CXCL13: variants seen among roughly 807,000 people sequenced by gnomAD.
CXCL13 encodes C-X-C motif chemokine 13.
CXCL13 carries 7 observed loss-of-function variants against 12.2 expected under a neutral mutation model. The observed-to-expected ratio is 0.57, with a 90% CI of 0.33 to 1.07. CXCL13 has a LOEUF of 1.07. Among genes scored for constraint, CXCL13 ranks in the 50% least tolerant of loss-of-function variants. The pLI is 0.04. For missense variants in CXCL13, 113 were observed against 127.4 expected (o/e 0.89, Z 0.55); for synonymous variants, 47 against 42.4 (o/e 1.11, Z -0.42).
chr4:77,593,931 T>G (rs980403315), intron 1 of CXCL13, among the ~76,000 whole-genome samples: 5 of 152,068 alleles, frequency 3.3e-5, no homozygotes, highest in African/African-American at 1.2e-4. Flanking sequence ...AACACAGAGA[T>G]TGGGCTGAGT....
At chr4:77,592,421 T>A (rs1726636560) in intron 1 of CXCL13, among the ~76,000 whole-genome samples, 1 of 151,748 alleles carries the variant, frequency 6.6e-6, no homozygotes, top group South Asian at 2.1e-4. Context: ...TTGTCAGGGG[T>A]TGGGGGAAGG....
At chr4:77,513,737 C>G (rs1005796952) in intron 1 of CXCL13, among the ~76,000 whole-genome samples, 2 of 152,128 alleles carry the variant, frequency 1.3e-5, no homozygotes, top group African/African-American at 4.8e-5. Flanking sequence ...CAGGCATGAG[C>G]CACCACACCT....
chr4:77,538,998 T>C (rs1313417986), intron 1 of CXCL13, among the ~76,000 whole-genome samples: 1 of 151,964 alleles, frequency 6.6e-6, no homozygotes, highest in Admixed American at 6.6e-5. Context: ...AATGAAAGTG[T>C]ACTTGGAAGA....
intron 1 of CXCL13, among the ~76,000 whole-genome samples, chr4:77,598,498 C>T (rs1051266053): frequency 6.6e-6 from 1 of 152,162 alleles, no homozygotes; most frequent in African/African-American, 2.4e-5. Flanking sequence ...AAGTTTTCAT[C>T]TATGTTAGCT....
At chr4:77,535,309 T>G (rs898351408) in intron 1 of CXCL13, among the ~76,000 whole-genome samples, 1 of 152,206 alleles carries the variant, frequency 6.6e-6, no homozygotes, top group African/African-American at 2.4e-5. Context: ...TTTCTTGACA[T>G]TTTTATAAAT....
chr4:77,516,889 A>G (rs1034471220), intron 1 of CXCL13, among the ~76,000 whole-genome samples: 13 of 151,706 alleles, frequency 8.6e-5, no homozygotes, highest in African/African-American at 3.2e-4. Flanking sequence ...ACTTCTTTTA[A>G]TTTGATGTTA....
intron 1 of CXCL13, among the ~76,000 whole-genome samples, chr4:77,552,821 G>T (rs1725566587): frequency 1.3e-5 from 2 of 152,206 alleles, no homozygotes; most frequent in Admixed American, 6.5e-5. Flanking sequence ...TCTGCCTGGG[G>T]GTAAAACAGA....
chr4:77,518,634 T>A (rs1428226996), intron 1 of CXCL13, among the ~76,000 whole-genome samples: 1 of 152,234 alleles, frequency 6.6e-6, no homozygotes, highest in Non-Finnish European at 1.5e-5. Context: ...GAGCCTTGGC[T>A]TTCAGCTTCA....
intron 1 of CXCL13, among the ~76,000 whole-genome samples, chr4:77,588,100 C>CTT (rs1470783432): frequency 6.8e-6 from 1 of 146,378 alleles, no homozygotes; most frequent in Non-Finnish European, 1.5e-5. Context: ...CTTTGCATAT[C>CTT]TTGAATTTTT....
At chr4:77,573,344 A>G (rs1031111807) in intron 1 of CXCL13, among the ~76,000 whole-genome samples, 1 of 150,826 alleles carries the variant, frequency 6.6e-6, no homozygotes, top group Non-Finnish European at 1.5e-5. Flanking sequence ...GTTCCAAGAA[A>G]AAAAGCTATT....
chr4:77,546,579 G>A (rs1042173930), intron 1 of CXCL13, among the ~76,000 whole-genome samples: 1 of 152,040 alleles, frequency 6.6e-6, no homozygotes, highest in Non-Finnish European at 1.5e-5. Context: ...TATTTCTGTG[G>A]GATCAGTGGT....
chr4:77,514,642 T>C (rs1400334558), intron 1 of CXCL13, among the ~76,000 whole-genome samples: 41 of 150,398 alleles, frequency 2.7e-4, no homozygotes, highest in African/African-American at 9.3e-4. Flanking sequence ...CGCCCACTTT[T>C]TGATGGGGTT....
upstream of CXCL13, among the ~76,000 whole-genome samples, chr4:77,605,364 T>C (rs1358999070): frequency 2.0e-5 from 3 of 152,198 alleles, no homozygotes; most frequent in African/African-American, 7.2e-5. Context: ...TCATTTGCTG[T>C]GCAAATATTT....
At chr4:77,570,654 G>A (rs1726049696) in intron 1 of CXCL13, among the ~76,000 whole-genome samples, 1 of 152,226 alleles carries the variant, frequency 6.6e-6, no homozygotes, top group African/African-American at 2.4e-5. Flanking sequence ...AGTTTGCAGG[G>A]AGGTGTGGAG....
At chr4:77,542,731 A>G (rs966459770) in intron 1 of CXCL13, among the ~76,000 whole-genome samples, 1 of 152,192 alleles carries the variant, frequency 6.6e-6, no homozygotes, top group African/African-American at 2.4e-5. Context: ...ATCATGGTGA[A>G]CTAACTTTTT....
chr4:77,607,653 T>C (rs1727026067), intron 1 of CXCL13, 50 bp from the exon 2 acceptor site: 1 of 1,543,606 alleles, frequency 6.5e-7, no homozygotes, highest in African/African-American at 1.4e-5. Context: ...ATTCTAGTTA[T>C]GAATTACATG....
rs751894798 is a variant in CXCL13, at chr4:77,559,921, C to CAAAAA, written c.-42-45888_-42-45884dup. Among the ~76,000 whole-genome samples the CAAAAA allele has an allele frequency of 5.1e-4, 39 of 77,064 alleles. 1 individual carries two copies. Among genetic ancestry groups the CAAAAA allele is most frequent in the African/African-American group, 1.3e-3 (31 of 24,010 alleles). The allele number at this position is 77,064 out of a possible 152,430, so 50.6% of individuals were successfully genotyped here. On this transcript the variant is annotated intron_variant, in intron 1 of 4. Transcript: ENST00000286758. ...TGGGTGAGAGAGCGAGACTCCATCA[C>CAAAAA]AAAAAAAAAAAAAAAAAAACCTGAC...
intron 1 of CXCL13, among the ~76,000 whole-genome samples, chr4:77,517,577 C>A (rs1724459439): frequency 6.6e-6 from 1 of 152,160 alleles, no homozygotes; most frequent in Non-Finnish European, 1.5e-5. Context: ...TTCTTTGTCT[C>A]TTTTGATCTT....
intron 1 of CXCL13, among the ~76,000 whole-genome samples, chr4:77,526,681 G>C (rs1217780467): frequency 6.6e-6 from 1 of 152,084 alleles, no homozygotes; most frequent in African/African-American, 2.4e-5. Flanking sequence ...CCACACTATG[G>C]TGTAAGCAAA....
Sources: gnomAD v4.1 joint callset for allele counts (sites outside exome capture counted in the v4.1 genomes callset) on GRCh38, gnomAD v4.1.1 for gene constraint, MANE v1.5 for transcripts, NCBI Gene and HGNC (gene_info 2026-07-23, HGNC 2026-07-21) for gene names.